ANK2: variants seen among roughly 807,000 people sequenced by gnomAD.
ANK2 encodes ankyrin-2.
Under a neutral mutation model 360.5 loss-of-function variants are expected in ANK2, and 83 were observed. The observed-to-expected ratio is 0.23, with a 90% CI of 0.19 to 0.28. The LOEUF is 0.28. Among genes scored for constraint, ANK2 ranks in the 10% least tolerant of loss-of-function variants. The pLI is 1.00. For synonymous variants in ANK2, 1,740 were observed against 1,759.5 expected, an observed-to-expected ratio of 0.99 and a Z score of 0.28; for missense variants, 4,201 against 4,795.7, an observed-to-expected ratio of 0.88 and a Z score of 3.66.
intron 23 of ANK2, among the ~76,000 whole-genome samples, chr4:113,310,706 T>A (rs2079501263): frequency 6.6e-6 from 1 of 152,220 alleles, no homozygotes; most frequent in Non-Finnish European, 1.5e-5. Flanking sequence ...CATGAGCCAC[T>A]GCAGCCAGCC....
rs550452130 is a variant in ANK2, at chr4:113,158,316, A to C, written c.85-16100A>C. ...TAAGACATAGTGAACATCAGTATAA[A>C]CCCAATCAAAACACATATGAGTAAT... On this transcript the variant is annotated intron_variant, in intron 1 of 45. Transcript: ENST00000357077. 1.4e-4 allele frequency among the ~76,000 whole-genome samples: 22 copies of C among 152,320 alleles called. No individual in the cohort carries two copies. The East Asian group carries it at 4.0e-3, about 28-fold the overall frequency.
rs750851228 is a variant in ANK2 at position 113,317,752 on chromosome 4, C to G, written c.2739C>G (p.Ala913=). ...SSDRSHTLSH[A]SYLRDSAVMD... ...ACAGGTCTCACACTCTGAGCCATGC[C>G]TCCTACCTGAGGGACAGTGCCGTGA... Residue 913 remains alanine, a synonymous_variant, in exon 25 of 46, where the codon GCC becomes GCG. Transcript: ENST00000357077. 1.6e-5 allele frequency: 26 copies of G among 1,614,058 alleles called. No homozygotes were observed. The highest frequency in any genetic ancestry group is 2.7e-5 in the African/African-American group (2 of 74,928).
intron 1 of ANK2, among the ~76,000 whole-genome samples, chr4:113,101,021 G>A (rs1242679354): frequency 3.3e-5 from 5 of 152,066 alleles, no homozygotes; most frequent in African/African-American, 4.8e-5. Flanking sequence ...TTTTAGGGTC[G>A]TGAAACTATT....
intron 1 of ANK2, among the ~76,000 whole-genome samples, chr4:113,086,684 A>G (rs2084960544): frequency 6.6e-6 from 1 of 152,250 alleles, no homozygotes; most frequent in Admixed American, 6.5e-5. Flanking sequence ...AAGCACAGAA[A>G]GGGACAGAGA....
chr4:112,902,680 T>G (rs2083826707), intron 1 of ANK2, among the ~76,000 whole-genome samples: 1 of 152,210 alleles, frequency 6.6e-6, no homozygotes, highest in Non-Finnish European at 1.5e-5. Flanking sequence ...ATGGGAAGAT[T>G]TTTTTCAAAG....
chr4:112,705,638 C>G, the ANK2 span, among the ~76,000 whole-genome samples: 1 of 152,242 alleles, frequency 6.6e-6, no homozygotes, highest in Non-Finnish European at 1.5e-5. Context: ...GATGCGGGAG[C>G]GCCCGCGGAG....
At chr4:113,291,091 T>C (rs2067300168) in intron 20 of ANK2, among the ~76,000 whole-genome samples, 2 of 152,226 alleles carry the variant, frequency 1.3e-5, no homozygotes, top group African/African-American at 4.8e-5. Context: ...TGTTTATATA[T>C]TATAGTGATA....
chr4:113,106,415 C>T (rs1581740347), intron 1 of ANK2, among the ~76,000 whole-genome samples: 1 of 152,146 alleles, frequency 6.6e-6, no homozygotes, highest in Non-Finnish European at 1.5e-5. Flanking sequence ...ACACTCTCTG[C>T]TTTAATTGGA....
chr4:112,824,773 A>T (rs534235630), intron 1 of ANK2, among the ~76,000 whole-genome samples: 1 of 152,160 alleles, frequency 6.6e-6, no homozygotes, highest in Non-Finnish European at 1.5e-5. Context: ...AAGTGCTGGG[A>T]TTATAGGTGT....
At chr4:113,124,181 CGTTATGCT>C (rs796897954) in intron 1 of ANK2, among the ~76,000 whole-genome samples, 6 of 152,212 alleles carry the variant, frequency 3.9e-5, no homozygotes, top group African/African-American at 1.4e-4. Flanking sequence ...GTCTTAAACA[CGTTATGCT>C]GTTTTGAAAG....
chr4:112,971,922 C>G lies in ANK2; in HGVS notation c.21+67408C>G, dbSNP rs1362491964. On this transcript the variant is annotated intron_variant, in intron 2 of 30. Transcript: ENST00000503271. ...TGGTAGAGTGAGAAAAAAGTGAGCA[C>G]AAGATAATTATCTGACTTTAAGATG... is the stretch of plus-strand genomic sequence containing the variant. 2.0e-5 allele frequency among the ~76,000 whole-genome samples: 3 copies of G among 152,106 alleles called. 1 individual carries two copies. The highest frequency in any genetic ancestry group is 4.4e-5 in the Non-Finnish European group (3 of 68,030).
intron 2 of ANK2, among the ~76,000 whole-genome samples, chr4:112,914,378 T>C (rs2088934644): frequency 2.6e-5 from 4 of 152,188 alleles, no homozygotes; most frequent in Admixed American, 2.6e-4. Context: ...CCCCGTACTT[T>C]GGGAGGCTGA....
Position 113,348,288 on chromosome 4 carries a change from G to A in ANK2, c.4384G>A (p.Asp1462Asn). Residue 1462 changes from aspartate (D) to asparagine (N), a missense_variant, in exon 36 of 46, where the codon GAT becomes AAT. Physicochemically the swap from Asp to Asn is conservative, Grantham distance 23 (BLOSUM62 1). This residue lies in a region of ANK2 where 1,268 missense variants were observed against 1,650.8 expected (regional missense o/e 0.77). Transcript: ENST00000357077. ...TTGGGGCGGAAAGGAATCAGAGTCA[G>A]ATCAAGAACAGGAGGAAGAGGTAAT... Reference protein sequence around the residue: ...LPIYTKESESDQEQEEEIDMT... With the variant: ...LPIYTKESESNQEQEEEIDMT... 6.2e-7 allele frequency: 1 copy of A among 1,613,412 alleles called. No individual in the cohort carries two copies.
the ANK2 span, among the ~76,000 whole-genome samples, chr4:112,756,332 T>A: frequency 6.7e-6 from 1 of 149,432 alleles, no homozygotes; most frequent in African/African-American, 2.6e-5. Flanking sequence ...CTGGGGTTTA[T>A]GATTTCACCA....
intron 2 of ANK2, among the ~76,000 whole-genome samples, chr4:112,988,999 T>C (rs1304262791): frequency 6.6e-6 from 1 of 152,192 alleles, no homozygotes. Flanking sequence ...TGTAGACAAA[T>C]GCTGCTTTAA....
chr4:113,295,833 T>C (rs1380934553), intron 22 of ANK2, among the ~76,000 whole-genome samples: 1 of 152,184 alleles, frequency 6.6e-6, no homozygotes, highest in Non-Finnish European at 1.5e-5. Flanking sequence ...CTGCTGCTCT[T>C]TGAACTGGTT....
At chr4:112,866,682 C>T (rs1431365719) in intron 1 of ANK2, among the ~76,000 whole-genome samples, 2 of 151,776 alleles carry the variant, frequency 1.3e-5, no homozygotes, top group African/African-American at 2.4e-5. Context: ...TATGTTTTTT[C>T]TCGTGTTATT....
chr4:112,827,122 A>G (rs2058581436), intron 1 of ANK2: 1 of 1,072,332 alleles, frequency 9.3e-7, no homozygotes, highest in South Asian at 1.2e-5. Context: ...ACTGACTGCA[A>G]TTGCTCAGCA....
At chr4:113,073,639 T>A (rs1035710554) in intron 1 of ANK2, among the ~76,000 whole-genome samples, 22 of 151,710 alleles carry the variant, frequency 1.5e-4, no homozygotes, top group African/African-American at 5.1e-4. Flanking sequence ...GGCAAGAAAA[T>A]CTCCTAGGTG....
Sources: allele counts gnomAD v4.1 joint callset (sites outside exome capture counted in the v4.1 genomes callset), GRCh38; gene constraint gnomAD v4.1.1; regional missense constraint gnomAD v4.1.1; transcripts MANE v1.5; gene names NCBI Gene and HGNC (gene_info 2026-07-23, HGNC 2026-07-21).